The following ZFP69B variants were observed in gnomAD, a reference collection of about 807,000 sequenced individuals.
The protein encoded by ZFP69B is ZFP69 zinc finger protein B.
In ZFP69B, 20 loss-of-function variants were observed where a neutral mutation model predicts 19.7. That is an observed-to-expected ratio of 1.02 (90% confidence interval 0.71 to 1.48). The LOEUF (loss-of-function observed/expected upper bound fraction) is 1.48. Among genes scored for constraint, ZFP69B ranks in the 40% most tolerant of loss-of-function variants. The pLI is 0.00. For synonymous variants in ZFP69B, 220 were observed against 222.7 expected, an observed-to-expected ratio of 0.99 and a Z score of 0.11; for missense variants, 583 against 632.6, an observed-to-expected ratio of 0.92 and a Z score of 0.84.
chr1:40,462,949 T>G lies in ZFP69B; in HGVS notation c.965T>G (p.Leu322Arg). ...CGKAFSQSSS[L>R]IPHQRIHTGE... ...AAAGCCTTTAGCCAAAGTTCATCTC[T>G]TATTCCGCATCAGAGAATTCATACT... The change falls in exon 5 of 5, where the codon CTT (leucine) becomes CGT (arginine). Residue 322 changes from leucine to arginine, a missense_variant. Coordinates refer to ENST00000361584, the MANE Select transcript of ZFP69B (RefSeq NM_023070.3). The G allele has an allele frequency of 6.2e-7, 1 of 1,614,174 alleles. No individual in the cohort carries two copies. Among genetic ancestry groups the G allele is most frequent in the South Asian group, 1.1e-5 (1 of 91,076 alleles).
At position 40,457,057 on chromosome 1, in the gene ZFP69B, A is replaced by G; in HGVS notation, c.326A>G (p.Asn109Ser). Residue 109 changes from asparagine to serine, a missense_variant, in exon 3 of 5, where the codon AAC (asparagine) becomes AGC (serine). By Grantham distance (46) the Asn-to-Ser change is conservative (BLOSUM62 1). Coordinates refer to ENST00000361584, the MANE Select transcript of ZFP69B (RefSeq NM_023070.3). ...GAGGTGATGCTGGAGAACTATGGGA[A>G]CCTGGTCTCAGTGGGTAAGGATGGG... ...YREVMLENYG[N>S]LVSVGCQLSK... 2 of 1,605,980 alleles carry G rather than the reference A, an allele frequency of 1.2e-6. No homozygotes were observed. Among genetic ancestry groups the G allele is most frequent in the Non-Finnish European group, 1.7e-6 (2 of 1,177,162 alleles).
intron 4 of ZFP69B, among the ~76,000 whole-genome samples, chr1:40,459,826 T>G (rs1362375376): frequency 6.6e-6 from 1 of 152,176 alleles, no homozygotes; most frequent in African/African-American, 2.4e-5. Flanking sequence ...CTGAGCACTT[T>G]TTATAAGTGA....
At position 40,454,223 on chromosome 1, in the gene ZFP69B, G is replaced by C; in HGVS notation, c.148G>C (p.Asp50His). ...KAEALLSQDA[D>H]ETQGESLESR... ...CCCAGCTCTGCTGTCTCAGGATGCT[G>C]ATGAGACCCAGGGCGAAAGTTTAGA... is the stretch of plus-strand genomic sequence containing the variant. The change falls in exon 2 of 5, where the codon GAT (aspartate) becomes CAT (histidine). Residue 50 changes from aspartate to histidine, a missense_variant. Transcript: ENST00000361584. 6.2e-7 allele frequency: 1 copy of C among 1,604,232 alleles called. No homozygotes were observed. The highest frequency in any genetic ancestry group is 8.5e-7 in the Non-Finnish European group (1 of 1,174,474).
Position 40,457,083 on chromosome 1 carries a change from C to T in ZFP69B, c.340+12C>T. On this transcript the variant is annotated intron_variant, in intron 3 of 4. Coordinates refer to ENST00000361584, the MANE Select transcript of ZFP69B (RefSeq NM_023070.3). ...CCTGGTCTCAGTGGGTAAGGATGGGCTCCTCTTGAAAATAGAACGTACCTA... is the reference window on the plus strand; with the variant it reads ...CCTGGTCTCAGTGGGTAAGGATGGGTTCCTCTTGAAAATAGAACGTACCTA... 6.3e-7 allele frequency: 1 copy of T among 1,588,322 alleles called. No homozygotes were observed. Among genetic ancestry groups the T allele is most frequent in the Non-Finnish European group, 8.5e-7 (1 of 1,171,150 alleles).
intron 2 of ZFP69B, 104 bp from the exon 3 acceptor site, chr1:40,456,841 A>G: frequency 7.0e-7 from 1 of 1,432,194 alleles, no homozygotes; most frequent in South Asian, 1.3e-5. Context: ...AATGATTAGC[A>G]AGACAGTATC....
In ZFP69B at chr1:40,462,758, G is replaced by T; in HGVS notation, c.774G>T (p.Lys258Asn). The change falls in exon 5 of 5, where the codon AAG (lysine) becomes AAT (asparagine). Residue 258 changes from lysine to asparagine, a missense_variant. By Grantham distance (94) the Lys-to-Asn change is moderately conservative. Coordinates refer to ENST00000361584, the MANE Select transcript of ZFP69B (RefSeq NM_023070.3). ...ATCGTAAATATGACACACCTGGAAA[G>T]AGAAGCAGATACAACATAGATTTAG... Reference protein sequence around the residue: ...KRDRKYDTPGKRSRYNIDLVN... With the variant: ...KRDRKYDTPGNRSRYNIDLVN... The T allele has an allele frequency of 6.2e-7, 1 of 1,614,070 alleles. No individual in the cohort carries two copies. The highest frequency in any genetic ancestry group is 1.1e-5 in the South Asian group (1 of 91,050).
rs530165552 is a variant in ZFP69B, at chr1:40,451,173, C to G, written c.127+85C>G. On this transcript the variant is annotated intron_variant, in intron 1 of 4. Transcript: ENST00000361584. Reference sequence around the variant, plus strand: ...ATGAGTCACTTGAGTGGAAGCATCTCTTAGGGAGACGAGTGGGTGGAGGGT... The same window carrying G: ...ATGAGTCACTTGAGTGGAAGCATCTGTTAGGGAGACGAGTGGGTGGAGGGT... 4.4e-5 allele frequency: 61 copies of G among 1,382,648 alleles called. No homozygotes were observed. The African/African-American group carries it at 7.7e-4, about 17-fold the overall frequency. The allele number at this position is 1,382,648 out of a possible 1,614,324, so 85.6% of individuals were successfully genotyped here.
intron 4 of ZFP69B, among the ~76,000 whole-genome samples, chr1:40,458,961 T>C (rs1416179241): frequency 1.3e-5 from 2 of 152,198 alleles, no homozygotes; most frequent in Non-Finnish European, 2.9e-5. Flanking sequence ...GGAGTTAGGA[T>C]AGAATAAGCA....
chr1:40,450,841 T>G lies in ZFP69B; in HGVS notation c.-121T>G. 2 of 1,169,078 alleles carry G rather than the reference T, an allele frequency of 1.7e-6. No individual in the cohort carries two copies. The highest frequency in any genetic ancestry group is 2.2e-5 in the South Asian group (1 of 45,202). 72.4% of individuals were successfully genotyped at this position (1,169,078 alleles called of 1,614,324 possible). ...GACATTGAGGAGTAGGAGTCGGCGA[T>G]TAAGGAGATCGGTACAATTGGGAAG... On this transcript the variant is annotated 5_prime_UTR_variant, in exon 1 of 5. Coordinates refer to ENST00000361584, the MANE Select transcript of ZFP69B (RefSeq NM_023070.3).
At chr1:40,458,371 T>C (rs890431635) in intron 4 of ZFP69B, among the ~76,000 whole-genome samples, 3 of 152,192 alleles carry the variant, frequency 2.0e-5, no homozygotes, top group Non-Finnish European at 4.4e-5. Flanking sequence ...TTAATGCAGA[T>C]ACATGATTTC....
In ZFP69B at chr1:40,462,532, A is replaced by G. The variant is rs769448493; in HGVS notation, c.548A>G (p.Tyr183Cys). The change falls in exon 5 of 5, where the codon TAT becomes TGT. Residue 183 changes from tyrosine to cysteine, a missense_variant. By Grantham distance (194) the Tyr-to-Cys change is radical. Coordinates refer to ENST00000361584, the MANE Select transcript of ZFP69B (RefSeq NM_023070.3). ...MERFTKGSSM[Y>C]STLGRISKCN... Reference sequence around the variant, plus strand: ...AGATTTACAAAAGGAAGCAGCATGTATTCCACCTTGGGAAGAATCTCCAAA... The same window carrying G: ...AGATTTACAAAAGGAAGCAGCATGTGTTCCACCTTGGGAAGAATCTCCAAA... The G allele has an allele frequency of 1.9e-6, 3 of 1,614,070 alleles. No individual in the cohort carries two copies. The highest frequency in any genetic ancestry group is 4.5e-5 in the East Asian group (2 of 44,894).
At chr1:40,459,313 T>A (rs953241033) in intron 4 of ZFP69B, among the ~76,000 whole-genome samples, 8 of 152,222 alleles carry the variant, frequency 5.3e-5, no homozygotes, top group Non-Finnish European at 2.9e-5. Flanking sequence ...TGAACCCTAT[T>A]CTTATGTATC....
Position 40,463,273 on chromosome 1 carries a change from A to G in ZFP69B, c.1289A>G (p.His430Arg), listed in dbSNP as rs759242654. 1.5e-5 allele frequency: 25 copies of G among 1,614,218 alleles called. No homozygotes were observed. The highest frequency in any genetic ancestry group is 2.0e-5 in the Non-Finnish European group (24 of 1,180,032). ...ICNVCSKTFS[H>R]STYLTQHQRT... ...AATGTATGTAGTAAAACCTTCAGCCATAGTACATACCTAACTCAACACCAG... is the reference window on the plus strand; with the variant it reads ...AATGTATGTAGTAAAACCTTCAGCCGTAGTACATACCTAACTCAACACCAG... The change falls in exon 5 of 5, where the codon CAT (histidine) becomes CGT (arginine). Residue 430 changes from histidine (H) to arginine (R), a missense_variant. His to Arg is a conservative substitution (Grantham distance 29, BLOSUM62 0). Coordinates refer to ENST00000361584, the MANE Select transcript of ZFP69B (RefSeq NM_023070.3).
intron 4 of ZFP69B, among the ~76,000 whole-genome samples, chr1:40,461,774 G>A (rs1452323271): frequency 3.3e-5 from 5 of 152,090 alleles, no homozygotes; most frequent in Non-Finnish European, 5.9e-5. Context: ...CAGTCTGGGT[G>A]ACAGAGTGAG....
In ZFP69B at chr1:40,450,948, G is replaced by A; in HGVS notation, c.-14G>A. 3 of 1,542,748 alleles carry A rather than the reference G, an allele frequency of 1.9e-6. No individual in the cohort carries two copies. The highest frequency in any genetic ancestry group is 2.6e-6 in the Non-Finnish European group (3 of 1,142,942). ...TAAGACAGAGGGTCCTCAGAAAGGAGTGCGGACGCCGTCATGCTGCAGCAG... is the reference window on the plus strand; with the variant it reads ...TAAGACAGAGGGTCCTCAGAAAGGAATGCGGACGCCGTCATGCTGCAGCAG... On this transcript the variant is annotated 5_prime_UTR_variant, in exon 1 of 5. It adds an upstream start codon to the 5' untranslated region. Coordinates refer to ENST00000361584, the MANE Select transcript of ZFP69B (RefSeq NM_023070.3).
chr1:40,450,226 C>G (rs1645170990), upstream of ZFP69B: 1 of 152,258 alleles, frequency 6.6e-6, no homozygotes, highest in African/African-American at 2.4e-5. Context: ...CCGGGAAGCG[C>G]GAGTTCCGCC....
Position 40,463,596 on chromosome 1 carries a change from C to T in ZFP69B, c.*7C>T, listed in dbSNP as rs1281348423. 2 of 1,574,880 alleles carry T rather than the reference C, an allele frequency of 1.3e-6. No individual in the cohort carries two copies. The highest frequency in any genetic ancestry group is 1.7e-6 in the Non-Finnish European group (2 of 1,159,596). ...CTTCAGCAATGTTGTGTGAAATATA[C>T]TAAACATCAAAGAATCTATGTTGGA... On this transcript the variant is annotated 3_prime_UTR_variant, in exon 5 of 5. Coordinates refer to ENST00000361584, the MANE Select transcript of ZFP69B (RefSeq NM_023070.3).
intron 4 of ZFP69B, 26 bp from the exon 5 acceptor site, chr1:40,462,395 A>C: frequency 6.5e-7 from 1 of 1,546,818 alleles, no homozygotes; most frequent in East Asian, 2.2e-5. Flanking sequence ...AGGAATATGG[A>C]TCTTTTTTTT....
intron 1 of ZFP69B, among the ~76,000 whole-genome samples, chr1:40,452,137 A>ATAAG (rs1193784666): frequency 6.6e-6 from 1 of 151,948 alleles, no homozygotes. Context: ...AAATAAATAA[A>ATAAG]TAAATAAATA....
Sources: allele counts gnomAD v4.1 joint callset (sites outside exome capture counted in the v4.1 genomes callset), GRCh38; gene constraint gnomAD v4.1.1; transcripts MANE v1.5; gene names NCBI Gene and HGNC (gene_info 2026-07-23, HGNC 2026-07-21).